The following PTPRT variants were observed in gnomAD, a reference collection of about 807,000 sequenced individuals.
PTPRT encodes the protein receptor-type tyrosine-protein phosphatase T.
PTPRT carries 56 observed loss-of-function variants against 176.8 expected under a neutral mutation model. The observed-to-expected ratio is 0.32, with a 90% confidence interval of 0.26 to 0.40. The LOEUF (loss-of-function observed/expected upper bound fraction) is 0.40. Among genes scored for constraint, PTPRT ranks in the 10% least tolerant of loss-of-function variants. The pLI is 1.00. For synonymous variants in PTPRT, 783 were observed against 739.0 expected, an observed-to-expected ratio of 1.06 and a Z score of -0.96; for missense variants, 1,540 against 1,908.2, an observed-to-expected ratio of 0.81 and a Z score of 3.60.
intron 8 of PTPRT, among the ~76,000 whole-genome samples, chr20:42,449,811 A>G (rs2070794723): frequency 6.6e-6 from 1 of 152,230 alleles, no homozygotes; most frequent in Non-Finnish European, 1.5e-5. Flanking sequence ...GACATGCTAT[A>G]CAGAATTTGT....
chr20:42,676,122 C>T (rs2075496943), intron 7 of PTPRT, among the ~76,000 whole-genome samples: 1 of 152,136 alleles, frequency 6.6e-6, no homozygotes, highest in Non-Finnish European at 1.5e-5. Flanking sequence ...GTTTCAGATT[C>T]TGGAGCATTT....
In PTPRT at chr20:42,265,030, A is replaced by C. The variant is rs552230621; in HGVS notation, c.2177-16208T>G. Among the ~76,000 whole-genome samples the C allele has an allele frequency of 2.6e-5, 4 of 152,322 alleles. No individual in the cohort carries two copies. In the East Asian group the frequency reaches 5.8e-4, roughly 22 times the overall value. Reference sequence around the variant, plus strand: ...CTGTAAGATGGGTTAAGATCATTATAATGATGGCACAAGTCTAAGATAATG... The same window carrying C: ...CTGTAAGATGGGTTAAGATCATTATCATGATGGCACAAGTCTAAGATAATG... On this transcript the variant is annotated intron_variant, in intron 13 of 30. Coordinates refer to ENST00000373187, the MANE Select transcript of PTPRT (RefSeq NM_007050.6).
intron 6 of PTPRT, among the ~76,000 whole-genome samples, chr20:42,735,289 A>AGAGGGAAAC (rs956059767): frequency 6.6e-6 from 1 of 152,080 alleles, no homozygotes; most frequent in Non-Finnish European, 1.5e-5. Flanking sequence ...TGACTAGAGG[A>AGAGGGAAAC]GAGGGAAACG....
rs2077368945 is a variant in PTPRT at position 42,791,170 on chromosome 20, A to C, written c.486+25T>G. On this transcript the variant is annotated intron_variant, in intron 3 of 30. Coordinates refer to ENST00000373187, the MANE Select transcript of PTPRT (RefSeq NM_007050.6). ...ATAGATTTATTACAAATTTTCAAAA[A>C]TAAAACCATGGTAAAATGCCATACC... 2.6e-6 allele frequency: 4 copies of C among 1,542,354 alleles called. No homozygotes were observed. The Admixed American group carries it at 6.2e-5, about 24-fold the overall frequency.
chr20:42,801,412 C>T (rs548467294), intron 2 of PTPRT, among the ~76,000 whole-genome samples: 2 of 152,308 alleles, frequency 1.3e-5, no homozygotes, highest in African/African-American at 2.4e-5. Context: ...TACCTCTATG[C>T]CTCAGTTTCC....
At chr20:42,095,804 T>C (rs1985149419) in intron 27 of PTPRT, among the ~76,000 whole-genome samples, 1 of 152,222 alleles carries the variant, frequency 6.6e-6, no homozygotes, top group South Asian at 2.1e-4. Context: ...TCCAAGCACC[T>C]AGAATAGCTT....
intron 3 of PTPRT, among the ~76,000 whole-genome samples, chr20:42,786,427 T>C (rs565219629): frequency 2.0e-5 from 3 of 152,260 alleles, no homozygotes; most frequent in South Asian, 2.1e-4. Context: ...CAAGCTATTT[T>C]CCCTAAAGGC....
At chr20:42,409,339 G>A (rs6072730) in intron 9 of PTPRT, among the ~76,000 whole-genome samples, 6 of 151,540 alleles carry the variant, frequency 4.0e-5, no homozygotes, top group African/African-American at 7.3e-5. Context: ...AAAATTAGCC[G>A]GGCATGGTGT....
intron 7 of PTPRT, among the ~76,000 whole-genome samples, chr20:42,632,951 T>A (rs2074444840): frequency 6.6e-6 from 1 of 152,282 alleles, no homozygotes; most frequent in South Asian, 2.1e-4. Flanking sequence ...GAAATATTCA[T>A]AAATAGGACA....
intron 1 of PTPRT, among the ~76,000 whole-genome samples, chr20:43,091,317 G>T (rs1187878048): frequency 6.6e-6 from 1 of 152,050 alleles, no homozygotes; most frequent in African/African-American, 2.4e-5. Flanking sequence ...GAAGGAATGG[G>T]GATTTTAAGT....
intron 9 of PTPRT, among the ~76,000 whole-genome samples, chr20:42,421,654 T>A (rs945828084): frequency 3.9e-4 from 59 of 152,142 alleles, no homozygotes; most frequent in African/African-American, 1.4e-3. Context: ...GGTTCAATGC[T>A]ATCCCTATTA....
chr20:42,513,123 G>A (rs755769331), intron 7 of PTPRT, among the ~76,000 whole-genome samples: 4 of 151,968 alleles, frequency 2.6e-5, no homozygotes, highest in Admixed American at 6.6e-5. Flanking sequence ...GCCTCCCAAA[G>A]TACTGGGATT....
rs1356910896 is a variant in PTPRT, at chr20:42,079,867, A to G, written c.*1012T>C. ...GGTGGGAGCTTTTAAGGACATTGCC[A>G]GGAAAAAATAAAAGGCCCGAGAGAT... On this transcript the variant is annotated 3_prime_UTR_variant, in exon 31 of 31. Transcript: ENST00000373187. The G allele has an allele frequency of 4.3e-6, 1 of 231,956 alleles. No individual in the cohort carries two copies. Among genetic ancestry groups the G allele is most frequent in the East Asian group, 6.1e-5 (1 of 16,410 alleles). The allele number at this position is 231,956 out of a possible 1,614,324, so 14.4% of individuals were successfully genotyped here.
At chr20:42,290,447 G>A (rs2057300014) in intron 12 of PTPRT, among the ~76,000 whole-genome samples, 1 of 151,882 alleles carries the variant, frequency 6.6e-6, no homozygotes, top group South Asian at 2.1e-4. Context: ...CCCTTTCTGT[G>A]GCTCAATTTC....
intron 24 of PTPRT, among the ~76,000 whole-genome samples, chr20:42,106,420 G>T (rs1986448473): frequency 6.6e-6 from 1 of 152,192 alleles, no homozygotes; most frequent in Non-Finnish European, 1.5e-5. Context: ...GCACGTAGTG[G>T]TCACTGAATA....
At position 42,987,318 on chromosome 20, in the gene PTPRT, T is replaced by C. The variant is rs1438988774; in HGVS notation, c.89-101386A>G. On this transcript the variant is annotated intron_variant, in intron 1 of 30. Transcript: ENST00000373187. ...AAATTGACTGACATTAAATAAAATG[T>C]CAAATTCAGTTCCTCAGTCGCACGA... Among the ~76,000 whole-genome samples, 3 of 152,172 alleles carry C rather than the reference T, an allele frequency of 2.0e-5. No homozygotes were observed. In the South Asian group the frequency reaches 6.2e-4, roughly 32 times the overall value.
intron 15 of PTPRT, among the ~76,000 whole-genome samples, chr20:42,221,744 C>A (rs1395283176): frequency 6.6e-6 from 1 of 152,012 alleles, no homozygotes; most frequent in Non-Finnish European, 1.5e-5. Context: ...TTCTCAAATT[C>A]CTGACCTCAA....
chr20:42,215,973 C>T (rs2055759721), intron 15 of PTPRT, among the ~76,000 whole-genome samples: 1 of 152,192 alleles, frequency 6.6e-6, no homozygotes, highest in African/African-American at 2.4e-5. Flanking sequence ...TCTGCTATAT[C>T]CCAACAAAGC....
At chr20:43,012,721 C>G (rs961690985) in intron 1 of PTPRT, among the ~76,000 whole-genome samples, 1 of 152,104 alleles carries the variant, frequency 6.6e-6, no homozygotes, top group African/African-American at 2.4e-5. Context: ...GCACTCTACC[C>G]TCGCCCTGGG....
Sources: gnomAD v4.1 joint callset for allele counts (sites outside exome capture counted in the v4.1 genomes callset) on GRCh38, gnomAD v4.1.1 for gene constraint, MANE v1.5 for transcripts, NCBI Gene and HGNC (gene_info 2026-07-23, HGNC 2026-07-21) for gene names.